CDKAL1: variants seen among roughly 807,000 people sequenced by gnomAD.
CDKAL1 encodes the protein CDKAL1 threonylcarbamoyladenosine tRNA methylthiotransferase, also known as threonylcarbamoyladenosine tRNA methylthiotransferase.
Under a neutral mutation model 68.2 loss-of-function variants are expected in CDKAL1, and 32 were observed. That is an observed-to-expected ratio of 0.47 (90% confidence interval 0.35 to 0.63). The LOEUF (loss-of-function observed/expected upper bound fraction) is 0.63. Among genes scored for constraint, CDKAL1 ranks in the 30% least tolerant of loss-of-function variants. The pLI is 0.00. For synonymous variants in CDKAL1, 234 were observed against 244.3 expected, an observed-to-expected ratio of 0.96 and a Z score of 0.39; for missense variants, 606 against 696.7, an observed-to-expected ratio of 0.87 and a Z score of 1.47.
intron 11 of CDKAL1, among the ~76,000 whole-genome samples, chr6:21,039,085 G>A (rs892022209): frequency 5.3e-5 from 8 of 152,124 alleles, no homozygotes; most frequent in African/African-American, 1.7e-4. Flanking sequence ...CCAGTCCATG[G>A]CCTGTTAGGA....
intron 8 of CDKAL1, among the ~76,000 whole-genome samples, chr6:20,834,858 A>G (rs951233905): frequency 1.3e-5 from 2 of 152,162 alleles, no homozygotes; most frequent in Non-Finnish European, 2.9e-5. Context: ...TAGAAAAGGC[A>G]AGTCCATTCT....
chr6:20,713,447 C>G (rs1485927340), intron 5 of CDKAL1, among the ~76,000 whole-genome samples: 1 of 152,122 alleles, frequency 6.6e-6, no homozygotes, highest in Non-Finnish European at 1.5e-5. Flanking sequence ...CTAATACTTA[C>G]TCTCCACTCT....
intron 5 of CDKAL1, among the ~76,000 whole-genome samples, chr6:20,673,292 A>G (rs1016452932): frequency 7.2e-5 from 11 of 152,258 alleles, no homozygotes; most frequent in African/African-American, 2.6e-4. Flanking sequence ...AGATACCAAG[A>G]TCTGCCATTG....
At chr6:20,811,233 C>G (rs1776802213) in intron 8 of CDKAL1, among the ~76,000 whole-genome samples, 2 of 152,168 alleles carry the variant, frequency 1.3e-5, no homozygotes, top group Non-Finnish European at 2.9e-5. Context: ...TAAGTAGGCC[C>G]AAGGCCTGTG....
chr6:20,705,292 G>A (rs1771545699), intron 5 of CDKAL1, among the ~76,000 whole-genome samples: 2 of 152,072 alleles, frequency 1.3e-5, no homozygotes, highest in Admixed American at 1.3e-4. Flanking sequence ...AATATTTGTG[G>A]CATTTTATTT....
chr6:20,565,115 A>AT (rs1490369215), intron 4 of CDKAL1, among the ~76,000 whole-genome samples: 1 of 151,862 alleles, frequency 6.6e-6, no homozygotes, highest in Non-Finnish European at 1.5e-5. Context: ...CAAGTAGGAT[A>AT]TTTTTTTATC....
At chr6:21,007,740 G>C (rs989947194) in intron 11 of CDKAL1, among the ~76,000 whole-genome samples, 2 of 152,126 alleles carry the variant, frequency 1.3e-5, no homozygotes, top group African/African-American at 2.4e-5. Context: ...AAGCACTACT[G>C]TTAAAGCATT....
intron 10 of CDKAL1, among the ~76,000 whole-genome samples, chr6:20,971,228 G>T (rs1249845895): frequency 2.6e-5 from 4 of 152,150 alleles, no homozygotes; most frequent in Non-Finnish European, 4.4e-5. Context: ...ATAGATAATT[G>T]AGTTCCACAA....
chr6:20,628,966 C>T (rs1344629771), intron 4 of CDKAL1, among the ~76,000 whole-genome samples: 2 of 152,052 alleles, frequency 1.3e-5, no homozygotes, highest in African/African-American at 4.8e-5. Flanking sequence ...TATTCTCCTA[C>T]GCAACTACGA....
intron 12 of CDKAL1, among the ~76,000 whole-genome samples, chr6:21,067,745 A>T (rs1237425346): frequency 6.6e-6 from 1 of 152,078 alleles, no homozygotes; most frequent in African/African-American, 2.4e-5. Flanking sequence ...GCTGAGTCAT[A>T]GGAAATGAAA....
intron 8 of CDKAL1, among the ~76,000 whole-genome samples, chr6:20,802,047 C>A (rs1020319419): frequency 2.6e-5 from 4 of 152,006 alleles, no homozygotes; most frequent in African/African-American, 9.7e-5. Context: ...CGCCTGTAAT[C>A]CCAGCACTTT....
At chr6:21,098,151 T>G (rs1197204804) in intron 12 of CDKAL1, among the ~76,000 whole-genome samples, 1 of 152,192 alleles carries the variant, frequency 6.6e-6, no homozygotes, top group Non-Finnish European at 1.5e-5. Flanking sequence ...ATTAATCACC[T>G]AAGTTTTAGA....
intron 9 of CDKAL1, among the ~76,000 whole-genome samples, chr6:20,854,868 A>G (rs572648863): frequency 6.6e-6 from 1 of 152,356 alleles, no homozygotes; most frequent in Admixed American, 6.5e-5. Context: ...CTCTGGGAAA[A>G]CAGATAAGAA....
chr6:21,198,041 G>T lies in CDKAL1; in HGVS notation c.1320G>T (p.Val440=). 1.2e-6 allele frequency: 2 copies of T among 1,604,342 alleles called. No homozygotes were observed. Among genetic ancestry groups the T allele is most frequent in the South Asian group, 1.1e-5 (1 of 88,674 alleles). The change falls in exon 14 of 16, where the codon GTG becomes GTT. Residue 440 remains valine (V), a synonymous_variant. Transcript: ENST00000274695. ...CACAGATTGGTGAAAGACAACAAGT[G>T]TTAGTAACAGAAGAATCTTTTGATT... is the stretch of plus-strand genomic sequence containing the variant. ...YDHKIGERQQ[V]LVTEESFDSK...
intron 13 of CDKAL1, among the ~76,000 whole-genome samples, chr6:21,130,753 G>A (rs1036076364): frequency 5.3e-5 from 8 of 152,236 alleles, no homozygotes; most frequent in African/African-American, 1.7e-4. Context: ...CAGTAGACTA[G>A]GTCTCAGGGA....
intron 4 of CDKAL1, among the ~76,000 whole-genome samples, chr6:20,590,069 G>T (rs956998105): frequency 6.6e-6 from 1 of 152,046 alleles, no homozygotes; most frequent in East Asian, 1.9e-4. Context: ...AATATTTAAG[G>T]TACTTAAAAG....
At chr6:20,772,902 T>C (rs892725872) in intron 7 of CDKAL1, 1 of 152,254 alleles carries the variant, frequency 6.6e-6, no homozygotes, top group Non-Finnish European at 1.5e-5. Flanking sequence ...ACTCTGGAAA[T>C]GCACCTTGGT....
At chr6:20,983,179 A>T (rs1478418383) in intron 10 of CDKAL1, among the ~76,000 whole-genome samples, 3 of 152,142 alleles carry the variant, frequency 2.0e-5, no homozygotes, top group African/African-American at 7.2e-5. Flanking sequence ...TATAAAAAAT[A>T]TATGTTTATC....
intron 13 of CDKAL1, among the ~76,000 whole-genome samples, chr6:21,122,921 C>T (rs1379748217): frequency 6.7e-6 from 1 of 149,306 alleles, no homozygotes; most frequent in Non-Finnish European, 1.5e-5. Context: ...AAAAGGATTA[C>T]AGGCATGAGC....
Sources: gnomAD v4.1 joint callset for allele counts (sites outside exome capture counted in the v4.1 genomes callset) on GRCh38, gnomAD v4.1.1 for gene constraint, MANE v1.5 for transcripts, NCBI Gene and HGNC (gene_info 2026-07-23, HGNC 2026-07-21) for gene names.